The following WDR59 variants were observed in gnomAD, a reference collection of about 807,000 sequenced individuals.
WDR59 encodes GATOR2 complex protein WDR59.
WDR59 carries 100 observed loss-of-function variants against 131.2 expected under a neutral mutation model. The ratio of observed to expected loss-of-function variants is 0.76; its 90% CI spans 0.65 to 0.90. The LOEUF is 0.90. Among genes scored for constraint, WDR59 ranks in the 40% least tolerant of loss-of-function variants. The probability of loss-of-function intolerance (pLI) is 0.00; values close to 1 mark genes in which losing one functional copy is unlikely to be tolerated. For synonymous variants in WDR59, 601 were observed against 466.2 expected, an observed-to-expected ratio of 1.29 and a Z score of -3.72; for missense variants, 1,203 against 1,262.2, an observed-to-expected ratio of 0.95 and a Z score of 0.71.
intron 22 of WDR59, 73 bp from the exon 23 acceptor site, chr16:74,887,828 A>C: frequency 6.8e-7 from 1 of 1,473,096 alleles, no homozygotes. Flanking sequence ...CACATTAAGA[A>C]AACAGCAGGC....
chr16:74,886,328 T>C lies in WDR59; in HGVS notation c.2488A>G (p.Ser830Gly). 2 of 1,614,006 alleles carry C rather than the reference T, an allele frequency of 1.2e-6. No individual in the cohort carries two copies. The highest frequency in any genetic ancestry group is 2.2e-5 in the South Asian group (2 of 91,072). Reference sequence around the variant, plus strand: ...TCACGGGGATCACTGTAGGTCAGACTCCCAAAGCGGAGCTCTTCTGGTGAG... The same window carrying C: ...TCACGGGGATCACTGTAGGTCAGACCCCCAAAGCGGAGCTCTTCTGGTGAG... Reference protein sequence around the residue: ...ESSPEELRFGSLTYSDPRERE... With the variant: ...ESSPEELRFGGLTYSDPRERE... Residue 830 changes from serine to glycine, a missense_variant, in exon 24 of 26, where the codon AGT becomes GGT. Coordinates refer to ENST00000262144, the MANE Select transcript of WDR59 (RefSeq NM_030581.4).
At chr16:74,891,202 C>T (rs1965028283) in intron 20 of WDR59, among the ~76,000 whole-genome samples, 1 of 150,260 alleles carries the variant, frequency 6.7e-6, no homozygotes, top group Non-Finnish European at 1.5e-5. Flanking sequence ...AACTGGAAAA[C>T]ATACTAGACT....
intron 6 of WDR59, among the ~76,000 whole-genome samples, chr16:74,943,824 C>G (rs2032409685): frequency 6.6e-6 from 1 of 152,186 alleles, no homozygotes; most frequent in Non-Finnish European, 1.5e-5. Context: ...ACAGGACATA[C>G]AGCATTAAGC....
At chr16:74,930,598 C>T (rs1196333817) in intron 8 of WDR59, among the ~76,000 whole-genome samples, 7 of 151,594 alleles carry the variant, frequency 4.6e-5, no homozygotes, top group African/African-American at 1.5e-4. Flanking sequence ...TATATAAACA[C>T]AGAAAAAAGT....
chr16:74,916,273 T>G lies in WDR59; in HGVS notation c.967-14A>C. 3 of 1,613,482 alleles carry G rather than the reference T, an allele frequency of 1.9e-6. No individual in the cohort carries two copies. The South Asian group carries it at 3.3e-5, about 18-fold the overall frequency. On this transcript the variant is annotated splice_polypyrimidine_tract_variant and intron_variant, in intron 11 of 25. Transcript: ENST00000262144. The stretch of plus-strand genomic sequence containing the variant: ...ATTTGCACAAAGCTGCAACAAAGGG[T>G]AGAAGATGTAGTTCTAGAGAAGTCC...
intron 25 of WDR59, among the ~76,000 whole-genome samples, chr16:74,884,313 C>G (rs996433587): frequency 6.6e-6 from 1 of 152,204 alleles, no homozygotes; most frequent in Non-Finnish European, 1.5e-5. Context: ...ACTTCTTATG[C>G]CCTTGGAAGC....
At chr16:74,984,866 G>C in intron 1 of WDR59, 98 bp downstream of exon 1, 1 of 1,519,132 alleles carries the variant, frequency 6.6e-7, no homozygotes, top group Non-Finnish European at 8.9e-7. Flanking sequence ...ACGGGGCCTA[G>C]GGTCTCCCCG....
intron 8 of WDR59, among the ~76,000 whole-genome samples, chr16:74,932,737 C>A (rs1390875254): frequency 1.3e-5 from 2 of 152,166 alleles, no homozygotes; most frequent in Non-Finnish European, 2.9e-5. Context: ...GATCCTCCCT[C>A]CTCAGACTCC....
chr16:74,956,571 G>C lies in WDR59; in HGVS notation c.144C>G (p.Phe48Leu). The C allele has an allele frequency of 1.2e-6, 2 of 1,614,040 alleles. No homozygotes were observed. The highest frequency in any genetic ancestry group is 1.1e-5 in the South Asian group (1 of 91,080). Residue 48 changes from phenylalanine (F) to leucine (L), a missense_variant, in exon 3 of 26, where the codon TTC (phenylalanine) becomes TTG (leucine). By Grantham distance (22) the Phe-to-Leu change is conservative. Coordinates refer to ENST00000262144, the MANE Select transcript of WDR59 (RefSeq NM_030581.4). ...FLYIVNLDAPFEGHRKISRQS... is the reference protein window; with the variant it reads ...FLYIVNLDAPLEGHRKISRQS... ...GGCGAGAGATCTTTCGGTGACCTTC[G>C]AAAGGGGCATCTAGATTGACGATGT...
intron 7 of WDR59, among the ~76,000 whole-genome samples, chr16:74,940,369 ACT>A (rs1338041891): frequency 1.3e-5 from 2 of 150,464 alleles, no homozygotes; most frequent in East Asian, 3.9e-4. Flanking sequence ...ACAGAGTGAG[ACT>A]CTGTCTCCCA....
chr16:74,939,931 G>C (rs959580056), intron 7 of WDR59, among the ~76,000 whole-genome samples: 12 of 152,178 alleles, frequency 7.9e-5, no homozygotes, highest in African/African-American at 2.9e-4. Context: ...GCTGCAGTGA[G>C]CTATGATTGT....
At chr16:74,891,938 A>G (rs1965065519) in intron 20 of WDR59, among the ~76,000 whole-genome samples, 1 of 152,186 alleles carries the variant, frequency 6.6e-6, no homozygotes, top group African/African-American at 2.4e-5. Context: ...AACAAAAACA[A>G]AAACAAACCA....
chr16:74,950,742 GT>G (rs2032945014), intron 4 of WDR59, among the ~76,000 whole-genome samples: 1 of 152,178 alleles, frequency 6.6e-6, no homozygotes, highest in African/African-American at 2.4e-5. Context: ...CAGGAGCTCT[GT>G]AACCGCTGCT....
intron 25 of WDR59, among the ~76,000 whole-genome samples, chr16:74,878,629 G>C (rs575783777): frequency 2.7e-4 from 41 of 152,250 alleles, no homozygotes; most frequent in African/African-American, 9.6e-4. Flanking sequence ...CTGGGTGACA[G>C]AGAGAGACCT....
At position 74,951,455 on chromosome 16, in the gene WDR59, T is replaced by C. The variant is rs2145139720; in HGVS notation, c.326+3A>G. 1 of 1,593,418 alleles carries C rather than the reference T, an allele frequency of 6.3e-7. No homozygotes were observed. Among genetic ancestry groups the C allele is most frequent in the Non-Finnish European group, 8.5e-7 (1 of 1,170,166 alleles). On this transcript the variant is annotated splice_donor_region_variant and intron_variant, in intron 4 of 25. Coordinates refer to ENST00000262144, the MANE Select transcript of WDR59 (RefSeq NM_030581.4). ...CAAAGAGCTGTGGAGGGCTGGTGCC[T>C]ACCTGATGACACGAGTGTGGCCTTG...
intron 18 of WDR59, among the ~76,000 whole-genome samples, chr16:74,898,964 A>G (rs1191821992): frequency 6.6e-6 from 1 of 152,222 alleles, no homozygotes; most frequent in Non-Finnish European, 1.5e-5. Flanking sequence ...ACAAGGCTAT[A>G]GGATGATTCC....
chr16:74,915,742 A>G, intron 13 of WDR59, 128 bp downstream of exon 13: 1 of 1,428,546 alleles, frequency 7.0e-7, no homozygotes, highest in Non-Finnish European at 9.6e-7. Flanking sequence ...CAGGAAATAA[A>G]AAAGCAAGCA....
intron 1 of WDR59, among the ~76,000 whole-genome samples, chr16:74,979,840 T>C: frequency 3.2e-4 from 1 of 3,174 alleles, no homozygotes; most frequent in Non-Finnish European, 5.2e-3. Flanking sequence ...CACCCGGCCT[T>C]TTTTTTTTTT....
At chr16:74,923,416 G>A (rs2030450829) in intron 9 of WDR59, among the ~76,000 whole-genome samples, 1 of 151,968 alleles carries the variant, frequency 6.6e-6, no homozygotes, top group Non-Finnish European at 1.5e-5. Flanking sequence ...CTTCTCTGTG[G>A]AGCTTTGATC....
Sources: allele counts gnomAD v4.1 joint callset (sites outside exome capture counted in the v4.1 genomes callset), GRCh38; gene constraint gnomAD v4.1.1; transcripts MANE v1.5; gene names NCBI Gene and HGNC (gene_info 2026-07-23, HGNC 2026-07-21).